IGSF10: variants seen among roughly 807,000 people sequenced by gnomAD.
The protein encoded by IGSF10 is calvaria mechanical force protein 608.
IGSF10 carries 126 observed loss-of-function variants against 128.2 expected under a neutral mutation model. The observed-to-expected ratio is 0.98, with a 90% CI of 0.85 to 1.14. IGSF10 has a LOEUF of 1.14. IGSF10 is among the 50% of genes most tolerant of loss of function. The pLI is 0.00. For missense variants in IGSF10, 3,295 were observed against 3,149.8 expected (o/e 1.05, Z -1.10); for synonymous variants, 1,185 against 1,146.2 (o/e 1.03, Z -0.68).
the IGSF10 span, among the ~76,000 whole-genome samples, chr3:151,552,103 TAGTC>T: frequency 6.6e-6 from 1 of 152,214 alleles, no homozygotes; most frequent in East Asian, 1.9e-4. Flanking sequence ...GTTCTTGTGA[TAGTC>T]AGTTCTCATA....
the IGSF10 span, among the ~76,000 whole-genome samples, chr3:151,489,094 C>G: frequency 3.9e-5 from 6 of 152,108 alleles, no homozygotes; most frequent in Admixed American, 3.3e-4. Flanking sequence ...GGGCTAATAT[C>G]CAGAATCTAC....
rs774218644 is a variant in IGSF10 at position 151,437,497 on chromosome 3, G to A, written c.7064C>T (p.Thr2355Ile). The change falls in exon 8 of 8, where the codon ACA becomes ATA. Residue 2355 changes from threonine (T) to isoleucine (I), a missense_variant. Transcript: ENST00000282466. ...EKIVAQLGKSTALNCSVDGNP... is the reference protein window; with the variant it reads ...EKIVAQLGKSIALNCSVDGNP... ...ACCATCAACAGAGCAATTCAATGCT[G>A]TGGACTTTCCCAGCTGGGCAACTAT... The A allele has an allele frequency of 7.4e-6, 12 of 1,614,070 alleles. No homozygotes were observed. The highest frequency in any genetic ancestry group is 1.7e-5 in the Admixed American group (1 of 60,006).
At chr3:151,580,492 T>A in the IGSF10 span, among the ~76,000 whole-genome samples, 1 of 152,220 alleles carries the variant, frequency 6.6e-6, no homozygotes, top group Non-Finnish European at 1.5e-5. Flanking sequence ...TTAGTAGCAA[T>A]GTATTTCATG....
At chr3:151,582,984 G>A in the IGSF10 span, among the ~76,000 whole-genome samples, 1 of 151,992 alleles carries the variant, frequency 6.6e-6, no homozygotes, top group Non-Finnish European at 1.5e-5. Flanking sequence ...TTGCCTAGAG[G>A]TTTATTTTCT....
chr3:151,570,433 G>A, the IGSF10 span, among the ~76,000 whole-genome samples: 4 of 152,286 alleles, frequency 2.6e-5, no homozygotes, highest in Non-Finnish European at 4.4e-5. Flanking sequence ...CATTCTAACC[G>A]GTGTGAGATG....
the IGSF10 span, among the ~76,000 whole-genome samples, chr3:151,512,786 C>A: frequency 6.6e-6 from 1 of 152,116 alleles, no homozygotes; most frequent in African/African-American, 2.4e-5. Flanking sequence ...GGGGATATCA[C>A]CACTGATCCC....
At chr3:151,442,276 CGAGTAAAATAACG>C (rs1720898879) in intron 7 of IGSF10, among the ~76,000 whole-genome samples, 1 of 151,636 alleles carries the variant, frequency 6.6e-6, no homozygotes, top group Non-Finnish European at 1.5e-5. Context: ...GGGACTCAGA[CGAGTAAAATAACG>C]GAGTGTCTCT....
In IGSF10 at chr3:151,453,804, G is replaced by A. The variant is rs760335087; in HGVS notation, c.325-30C>T. The A allele has an allele frequency of 4.4e-6, 6 of 1,350,166 alleles. No homozygotes were observed. The East Asian group carries it at 9.3e-5, about 21-fold the overall frequency. The allele number at this position is 1,350,166 out of a possible 1,614,324, so 83.6% of individuals were successfully genotyped here. ...GAATTAAAAAAAAGAACATATTTATGTTGTCAAAGGAATTTTCACAAGAGG... is the reference window on the plus strand; with the variant it reads ...GAATTAAAAAAAAGAACATATTTATATTGTCAAAGGAATTTTCACAAGAGG... On this transcript the variant is annotated intron_variant, in intron 4 of 7. Transcript: ENST00000282466.
At chr3:151,503,212 G>A in the IGSF10 span, among the ~76,000 whole-genome samples, 1 of 151,904 alleles carries the variant, frequency 6.6e-6, no homozygotes, top group Admixed American at 6.6e-5. Context: ...AAATCTTCAA[G>A]TACAATGACC....
At chr3:151,535,417 T>C in the IGSF10 span, among the ~76,000 whole-genome samples, 1 of 152,154 alleles carries the variant, frequency 6.6e-6, no homozygotes, top group African/African-American at 2.4e-5. Flanking sequence ...TGGATACTCA[T>C]GGACATGAAG....
At chr3:151,546,026 A>T in the IGSF10 span, among the ~76,000 whole-genome samples, 1 of 150,836 alleles carries the variant, frequency 6.6e-6, no homozygotes. Flanking sequence ...ATTAGATTAG[A>T]GATCATATGT....
In IGSF10 at chr3:151,448,559, CAT is replaced by C; in HGVS notation, c.1420_1421del (p.Met474AspfsTer5). ...GCTTAGTATTGTTATCCCTTGAAAT[CAT>C]AGTCCATTTGTGTTTCACTGGCCTC... Reference protein sequence around the residue: ...EMRPVKHKWTMISRDNNTKLE... With the variant: ...EMRPVKHKWTXISRDNNTKLE... On this transcript the variant is annotated frameshift_variant, in exon 6 of 8. Transcript: ENST00000282466. LOFTEE classifies it high-confidence loss of function. 4 of 1,614,230 alleles carry C rather than the reference CAT, an allele frequency of 2.5e-6. No individual in the cohort carries two copies. The South Asian group carries it at 4.4e-5, about 18-fold the overall frequency.
chr3:151,508,192 T>C, the IGSF10 span, among the ~76,000 whole-genome samples: 3 of 152,178 alleles, frequency 2.0e-5, no homozygotes, highest in East Asian at 5.8e-4. Flanking sequence ...AAAAATTTTG[T>C]TTGGCTTAAA....
the IGSF10 span, among the ~76,000 whole-genome samples, chr3:151,546,339 T>C: frequency 6.6e-6 from 1 of 152,010 alleles, no homozygotes; most frequent in Non-Finnish European, 1.5e-5. Context: ...ATGCTTGTTA[T>C]TTACTATTTA....
intron 4 of IGSF10, 113 bp downstream of exon 4, chr3:151,456,913 T>G: frequency 2.9e-6 from 3 of 1,032,196 alleles, no homozygotes; most frequent in Non-Finnish European, 4.3e-6. Flanking sequence ...CGTCTGCTTC[T>G]AATTTACAGA....
chr3:151,599,082 G>C, the IGSF10 span, among the ~76,000 whole-genome samples: 26 of 152,342 alleles, frequency 1.7e-4, no homozygotes, highest in East Asian at 9.6e-4. Context: ...AAGCAGCCAG[G>C]CTTCTCAGAA....
chr3:151,507,357 C>T, the IGSF10 span, among the ~76,000 whole-genome samples: 4 of 152,084 alleles, frequency 2.6e-5, no homozygotes, highest in Admixed American at 2.6e-4. Context: ...GTCAGAGTTT[C>T]AAAATTCTTT....
At chr3:151,550,544 G>A in the IGSF10 span, among the ~76,000 whole-genome samples, 1 of 152,108 alleles carries the variant, frequency 6.6e-6, no homozygotes. Context: ...TTACACAAAT[G>A]GCTATTTAAA....
In IGSF10 at chr3:151,446,136, C is replaced by G; in HGVS notation, c.3845G>C (p.Ser1282Thr). The change falls in exon 6 of 8, where the codon AGT becomes ACT. Residue 1282 changes from serine (S) to threonine (T), a missense_variant. Ser to Thr is a moderately conservative substitution (Grantham distance 58). Coordinates refer to ENST00000282466, the MANE Select transcript of IGSF10 (RefSeq NM_178822.5). The part of the protein sequence containing the change: ...HTTTKTHNPG[S>T]LPTKKELPFP... ...GGGAAGCTCCTTCTTTGTTGGAAGACTTCCAGGATTGTGTGTTTTGGTCGT... is the reference window on the plus strand; with the variant it reads ...GGGAAGCTCCTTCTTTGTTGGAAGAGTTCCAGGATTGTGTGTTTTGGTCGT... The G allele has an allele frequency of 6.2e-7, 1 of 1,614,142 alleles. No individual in the cohort carries two copies.
Sources: gnomAD v4.1 joint callset for allele counts (sites outside exome capture counted in the v4.1 genomes callset) on GRCh38, gnomAD v4.1.1 for gene constraint, MANE v1.5 for transcripts, NCBI Gene and HGNC (gene_info 2026-07-23, HGNC 2026-07-21) for gene names.